CLSTN2: variants seen among roughly 807,000 people sequenced by gnomAD.
CLSTN2 encodes calsyntenin-2.
A neutral mutation model predicts 101.2 loss-of-function variants in CLSTN2; 48 were observed. That is an observed-to-expected ratio of 0.47 (90% CI 0.38 to 0.60). The LOEUF is 0.60. CLSTN2 is among the 20% of genes least tolerant of loss of function. The probability of loss-of-function intolerance (pLI) is 0.00; values close to 1 mark genes in which losing one functional copy is unlikely to be tolerated. For synonymous variants in CLSTN2, 481 were observed against 463.6 expected (o/e 1.04, Z -0.48); for missense variants, 1,160 against 1,238.2 (o/e 0.94, Z 0.95).
At chr3:140,385,699 A>G (rs2088044729) in intron 2 of CLSTN2, among the ~76,000 whole-genome samples, 2 of 152,232 alleles carry the variant, frequency 1.3e-5, no homozygotes, top group South Asian at 4.2e-4. Context: ...ACCTTAAACC[A>G]GCAATTTCAG....
At chr3:139,965,380 C>T (rs1405607680) in intron 1 of CLSTN2, among the ~76,000 whole-genome samples, 1 of 152,154 alleles carries the variant, frequency 6.6e-6, no homozygotes, top group Non-Finnish European at 1.5e-5. Flanking sequence ...GGTTCCTGAG[C>T]AGCTCTGGAG....
intron 2 of CLSTN2, among the ~76,000 whole-genome samples, chr3:140,398,474 A>T (rs1327297231): frequency 6.6e-6 from 1 of 152,190 alleles, no homozygotes; most frequent in African/African-American, 2.4e-5. Context: ...AACACAGACA[A>T]AAAGTCAAAT....
chr3:140,021,306 T>C (rs1274398819), intron 1 of CLSTN2, among the ~76,000 whole-genome samples: 2 of 152,208 alleles, frequency 1.3e-5, no homozygotes, highest in African/African-American at 4.8e-5. Flanking sequence ...CAAGAAGGGC[T>C]TCACTCCAGC....
intron 6 of CLSTN2, among the ~76,000 whole-genome samples, chr3:140,458,340 GAAACAGCCCCCATA>G (rs1359862781): frequency 3.9e-5 from 6 of 151,994 alleles, no homozygotes; most frequent in Non-Finnish European, 8.8e-5. Flanking sequence ...GCCATATGAG[GAAACAGCCCCCATA>G]CCCCTGCCCA....
At chr3:140,133,165 C>T (rs2009547883) in intron 1 of CLSTN2, among the ~76,000 whole-genome samples, 1 of 152,028 alleles carries the variant, frequency 6.6e-6, no homozygotes, top group Non-Finnish European at 1.5e-5. Context: ...GGAAAGGGAC[C>T]AAGAGAGAGG....
At chr3:139,998,881 A>G (rs1453961797) in intron 1 of CLSTN2, among the ~76,000 whole-genome samples, 3 of 152,174 alleles carry the variant, frequency 2.0e-5, no homozygotes, top group East Asian at 1.9e-4. Context: ...CACAGGCTAC[A>G]TAAGATCTAA....
At position 140,566,194 on chromosome 3, in the gene CLSTN2, G is replaced by A; in HGVS notation, c.2809G>A (p.Gly937Arg). 3 of 1,605,636 alleles carry A rather than the reference G, an allele frequency of 1.9e-6. No individual in the cohort carries two copies. The Admixed American group carries it at 5.1e-5, about 27-fold the overall frequency. Residue 937 changes from glycine to arginine, a missense_variant, in exon 17 of 17, where the codon GGG becomes AGG. Transcript: ENST00000458420. Reference protein sequence around the residue: ...EEEGMGRGRHGQNGARQAQLE... With the variant: ...EEEGMGRGRHRQNGARQAQLE... ...GGAAGGGATGGGCAGAGGCAGACAT[G>A]GGCAGAATGGAGCCAGGCAAGCCCA...
At chr3:140,005,870 C>A (rs2006942905) in intron 1 of CLSTN2, among the ~76,000 whole-genome samples, 2 of 152,144 alleles carry the variant, frequency 1.3e-5, no homozygotes, top group Admixed American at 1.3e-4. Flanking sequence ...TGGCAAAAGG[C>A]AAAATGATAA....
intron 2 of CLSTN2, among the ~76,000 whole-genome samples, chr3:140,260,306 T>C (rs957325380): frequency 1.2e-4 from 18 of 152,004 alleles, no homozygotes; most frequent in Non-Finnish European, 1.3e-4. Context: ...TCTTAGGAAC[T>C]ATCACTGTGT....
At chr3:140,280,812 A>T (rs1319219256) in intron 2 of CLSTN2, among the ~76,000 whole-genome samples, 1 of 152,136 alleles carries the variant, frequency 6.6e-6, no homozygotes, top group Non-Finnish European at 1.5e-5. Context: ...CTTTGGAGGA[A>T]CTTGAAGAAC....
intron 2 of CLSTN2, among the ~76,000 whole-genome samples, chr3:140,283,363 G>A (rs2086866110): frequency 6.6e-6 from 1 of 152,104 alleles, no homozygotes; most frequent in Non-Finnish European, 1.5e-5. Context: ...TTGTACACAT[G>A]CCTGCACACA....
chr3:140,352,795 A>T (rs1183784392), intron 2 of CLSTN2, among the ~76,000 whole-genome samples: 2 of 152,056 alleles, frequency 1.3e-5, no homozygotes, highest in Admixed American at 6.5e-5. Flanking sequence ...AGGGAAATTC[A>T]TCTCTTTCTA....
chr3:140,358,795 T>G (rs2087699235), intron 2 of CLSTN2, among the ~76,000 whole-genome samples: 1 of 152,044 alleles, frequency 6.6e-6, no homozygotes. Flanking sequence ...AACACCTGTG[T>G]TTTTTTAATG....
intron 2 of CLSTN2, among the ~76,000 whole-genome samples, chr3:140,190,438 C>CA (rs35206840): frequency 0.2 from 16,709 of 82,874 alleles, 1,534 homozygotes; most frequent in African/African-American, 0.27. Context: ...TCTATAGCTA[C>CA]AAAAAAAAAA....
chr3:140,288,308 A>T (rs916517764), intron 2 of CLSTN2, among the ~76,000 whole-genome samples: 14 of 152,174 alleles, frequency 9.2e-5, no homozygotes, highest in Admixed American at 2.6e-4. Context: ...AGGAAGAAAG[A>T]CCTGAAGAGA....
At chr3:140,401,064 C>A (rs1312495191) in intron 2 of CLSTN2, among the ~76,000 whole-genome samples, 1 of 152,226 alleles carries the variant, frequency 6.6e-6, no homozygotes, top group Non-Finnish European at 1.5e-5. Context: ...CAGGCCAGCG[C>A]TGGGTCTATT....
At chr3:140,438,726 A>G (rs1223069857) in intron 5 of CLSTN2, among the ~76,000 whole-genome samples, 2 of 152,190 alleles carry the variant, frequency 1.3e-5, no homozygotes, top group East Asian at 1.9e-4. Context: ...AAGCATTTCT[A>G]TACATCTAAG....
chr3:140,126,311 A>T (rs1336989267), intron 1 of CLSTN2, among the ~76,000 whole-genome samples: 1 of 152,090 alleles, frequency 6.6e-6, no homozygotes, highest in Non-Finnish European at 1.5e-5. Flanking sequence ...CAGCAGTGTG[A>T]TGGTATGCTT....
chr3:140,005,548 C>G (rs1180376937), intron 1 of CLSTN2, among the ~76,000 whole-genome samples: 3 of 152,174 alleles, frequency 2.0e-5, no homozygotes, highest in African/African-American at 7.2e-5. Flanking sequence ...CTCAGTAAGC[C>G]TTTTACCTGA....
Sources: allele counts gnomAD v4.1 joint callset (sites outside exome capture counted in the v4.1 genomes callset), GRCh38; gene constraint gnomAD v4.1.1; transcripts MANE v1.5; gene names NCBI Gene and HGNC (gene_info 2026-07-23, HGNC 2026-07-21).